TNS3: variants seen among roughly 807,000 people sequenced by gnomAD.
TNS3 encodes tensin-3.
A neutral mutation model predicts 140.9 loss-of-function variants in TNS3; 45 were observed. That is an observed-to-expected ratio of 0.32 (90% CI 0.25 to 0.41). The LOEUF is 0.41. Among genes scored for constraint, TNS3 ranks in the 10% least tolerant of loss-of-function variants. The probability of loss-of-function intolerance (pLI) is 1.00; values close to 1 mark genes in which losing one functional copy is unlikely to be tolerated. For synonymous variants in TNS3, 815 were observed against 788.4 expected (o/e 1.03, Z -0.56); for missense variants, 1,716 against 1,906.7 (o/e 0.90, Z 1.86).
chr7:47,574,725 G>A (rs1800637462), intron 1 of TNS3, among the ~76,000 whole-genome samples: 1 of 152,082 alleles, frequency 6.6e-6, no homozygotes, highest in Non-Finnish European at 1.5e-5. Context: ...GAAACCTTGA[G>A]TACAGTATTC....
At position 47,293,810 on chromosome 7, in the gene TNS3, T is replaced by C; in HGVS notation, c.3695A>G (p.Glu1232Gly). The change falls in exon 25 of 31, where the codon GAA becomes GGA. Residue 1232 changes from glutamate to glycine, a missense_variant. Transcript: ENST00000311160. The part of the protein sequence containing the change: ...LNKKAGDLAN[E>G]LVRHFLIECT... ...CTCGATCAAAAAGTGCCGGACGAGT[T>C]CATTGGCCAAATCTCCAGCTGTGGC... 6.2e-7 allele frequency: 1 copy of C among 1,614,182 alleles called. No homozygotes were observed. The highest frequency in any genetic ancestry group is 2.2e-5 in the East Asian group (1 of 44,888).
chr7:47,333,149 C>CTCA (rs1788437033), intron 20 of TNS3, among the ~76,000 whole-genome samples: 1 of 151,774 alleles, frequency 6.6e-6, no homozygotes, highest in Non-Finnish European at 1.5e-5. Context: ...AATTCATGTT[C>CTCA]TCATCTCAAA....
At chr7:47,327,901 AGAGGCGCCAG>A (rs1788113320) in intron 20 of TNS3, among the ~76,000 whole-genome samples, 1 of 152,042 alleles carries the variant, frequency 6.6e-6, no homozygotes, top group South Asian at 2.1e-4. Flanking sequence ...GATCCGGGCC[AGAGGCGCCAG>A]GAGCACAGAA....
chr7:47,374,895 C>T (rs1791287742), intron 16 of TNS3, among the ~76,000 whole-genome samples: 1 of 152,076 alleles, frequency 6.6e-6, no homozygotes. Context: ...GGGTGAGGAG[C>T]CCCCACCAGA....
At chr7:47,553,098 A>C (rs1184516575) in intron 1 of TNS3, among the ~76,000 whole-genome samples, 1 of 152,240 alleles carries the variant, frequency 6.6e-6, no homozygotes, top group Non-Finnish European at 1.5e-5. Flanking sequence ...CAGCAAGGTG[A>C]GGAAGCGGCA....
intron 1 of TNS3, among the ~76,000 whole-genome samples, chr7:47,553,380 A>C (rs1800112127): frequency 6.6e-6 from 1 of 152,268 alleles, no homozygotes; most frequent in Non-Finnish European, 1.5e-5. Flanking sequence ...GCTTCGAAGC[A>C]CAGGCTAACT....
At chr7:47,456,709 A>G (rs1796261011) in intron 4 of TNS3, among the ~76,000 whole-genome samples, 1 of 152,106 alleles carries the variant, frequency 6.6e-6, no homozygotes, top group African/African-American at 2.4e-5. Context: ...ACCAGCACGT[A>G]TAGGTGCAGG....
chr7:47,474,005 A>G (rs902398500), intron 4 of TNS3, among the ~76,000 whole-genome samples: 6 of 151,794 alleles, frequency 4.0e-5, no homozygotes, highest in African/African-American at 2.4e-5. Flanking sequence ...GTGACCTGCA[A>G]GACTTCCTGA....
intron 1 of TNS3, among the ~76,000 whole-genome samples, chr7:47,560,714 T>G (rs1800304004): frequency 6.6e-6 from 1 of 152,134 alleles, no homozygotes; most frequent in Admixed American, 6.5e-5. Flanking sequence ...TCAGCACCCC[T>G]AACTTGCTCC....
chr7:47,423,216 C>T (rs1014425454), intron 10 of TNS3, among the ~76,000 whole-genome samples: 3 of 152,202 alleles, frequency 2.0e-5, no homozygotes, highest in Non-Finnish European at 4.4e-5. Flanking sequence ...GTCTCCAAAA[C>T]GGAACACCAT....
At chr7:47,313,569 C>T (rs1266113338) in intron 20 of TNS3, among the ~76,000 whole-genome samples, 1 of 152,206 alleles carries the variant, frequency 6.6e-6, no homozygotes, top group Non-Finnish European at 1.5e-5. Context: ...AGCACATACC[C>T]AGCACAGCAT....
intron 20 of TNS3, among the ~76,000 whole-genome samples, chr7:47,339,856 T>C (rs977997215): frequency 2.6e-5 from 4 of 151,492 alleles, no homozygotes; most frequent in African/African-American, 9.7e-5. Context: ...ATTCTGTGGT[T>C]TCCTTCATCA....
intron 17 of TNS3, among the ~76,000 whole-genome samples, chr7:47,353,450 G>A (rs142675409): frequency 0.014 from 2,162 of 152,290 alleles, 54 homozygotes; most frequent in African/African-American, 0.049. Context: ...ACTGATTTAT[G>A]GTTTTCTTTA....
At chr7:47,463,483 A>G (rs1181401751) in intron 4 of TNS3, among the ~76,000 whole-genome samples, 4 of 152,158 alleles carry the variant, frequency 2.6e-5, no homozygotes, top group African/African-American at 9.7e-5. Context: ...ACTCTCAGCC[A>G]TTGGTGCTGT....
intron 2 of TNS3, among the ~76,000 whole-genome samples, chr7:47,515,802 A>C (rs1210628524): frequency 6.6e-6 from 1 of 152,220 alleles, no homozygotes; most frequent in Admixed American, 6.5e-5. Flanking sequence ...ATCACTAACA[A>C]TATCATTATC....
At chr7:47,302,760 G>A (rs1457210121) in intron 22 of TNS3, among the ~76,000 whole-genome samples, 190 bp downstream of exon 22, 2 of 152,238 alleles carry the variant, frequency 1.3e-5, no homozygotes, top group Non-Finnish European at 2.9e-5. Context: ...CAAGAAGAGT[G>A]AATGAAAAGC....
At chr7:47,578,929 T>G (rs1018260414) in intron 1 of TNS3, among the ~76,000 whole-genome samples, 14 of 151,820 alleles carry the variant, frequency 9.2e-5, no homozygotes, top group African/African-American at 2.9e-4. Context: ...TTAGTCCTGC[T>G]CAGCAGCATT....
intron 1 of TNS3, chr7:47,579,869 C>A: frequency 1.0e-6 from 1 of 985,298 alleles, no homozygotes; most frequent in Non-Finnish European, 1.2e-6. Context: ...CTCCTCAGGT[C>A]TCTGCTATCC....
At chr7:47,447,248 A>ATGTTTGTTTGTTTGTTTGTT (rs3037478) in intron 4 of TNS3, among the ~76,000 whole-genome samples, 4 of 149,192 alleles carry the variant, frequency 2.7e-5, no homozygotes, top group South Asian at 2.2e-4. Flanking sequence ...GGTTCCACAT[A>ATGTTTGTTTGTTTGTTTGTT]TGTTTGTTTG....
Sources: allele counts gnomAD v4.1 joint callset (sites outside exome capture counted in the v4.1 genomes callset), GRCh38; gene constraint gnomAD v4.1.1; transcripts MANE v1.5; gene names NCBI Gene and HGNC (gene_info 2026-07-23, HGNC 2026-07-21).